The following GABRA3 variants were observed in gnomAD, a reference collection of about 807,000 sequenced individuals.
The protein encoded by GABRA3 is gamma-aminobutyric acid type A receptor subunit alpha3.
GABRA3 carries 10 observed loss-of-function variants against 30.1 expected under a neutral mutation model. The observed-to-expected ratio is 0.33, with a 90% CI of 0.20 to 0.56. GABRA3 has a LOEUF of 0.56. Among genes scored for constraint, GABRA3 ranks in the 20% least tolerant of loss-of-function variants. The pLI is 0.89. For synonymous variants in GABRA3, 151 were observed against 146.8 expected (o/e 1.03, Z -0.21); for missense variants, 233 against 392.0 (o/e 0.59, Z 3.42).
At chrX:152,285,778 G>A (rs1265434247) in intron 3 of GABRA3, among the ~76,000 whole-genome samples, 1 of 109,795 alleles carries the variant, frequency 9.1e-6, no homozygotes, top group Non-Finnish European at 1.9e-5. Flanking sequence ...CATGATGGAA[G>A]GGGCTAGGGA....
chrX:152,304,052 G>T (rs1171803653), intron 3 of GABRA3, among the ~76,000 whole-genome samples: 1 of 112,053 alleles, frequency 8.9e-6, no homozygotes, highest in Non-Finnish European at 1.9e-5. Context: ...TTTCTCTGAT[G>T]ATTAGCAATA....
At position 152,378,969 on chromosome X, in the gene GABRA3, A is replaced by T. The variant is rs143562210; in HGVS notation, c.-26-14373T>A. 4.1e-3 allele frequency among the ~76,000 whole-genome samples: 460 copies of T among 111,942 alleles called. 1 individual carries two copies. The highest frequency in any genetic ancestry group is 0.014 in the African/African-American group (421 of 30,956). On this transcript the variant is annotated intron_variant, in intron 1 of 9. Coordinates refer to ENST00000370314, the MANE Select transcript of GABRA3 (RefSeq NM_000808.4). ...CTATACACCTAATAATGAAGATTCA[A>T]AATATATAAATCAAAATTAACAAAA...
At chrX:152,207,967 C>T (rs73619391) in intron 7 of GABRA3, 34 bp downstream of exon 7, 1 of 1,178,844 alleles carries the variant, frequency 8.5e-7, no homozygotes, top group Non-Finnish European at 1.2e-6. Flanking sequence ...GTATAGGTTA[C>T]AGAAATGTTT....
intron 5 of GABRA3, among the ~76,000 whole-genome samples, chrX:152,254,406 T>C (rs1938604768): frequency 9.2e-6 from 1 of 108,761 alleles, no homozygotes; most frequent in African/African-American, 3.3e-5. Flanking sequence ...TTGTCCTCTC[T>C]TCTCATACTC....
intron 9 of GABRA3, among the ~76,000 whole-genome samples, chrX:152,188,090 G>A (rs370472917): frequency 4.1e-4 from 46 of 111,133 alleles, no homozygotes; most frequent in South Asian, 3.8e-3. Flanking sequence ...TGGGAAGGTG[G>A]GGGGAAGAAG....
At chrX:152,442,217 A>G (rs767118975) in intron 1 of GABRA3, among the ~76,000 whole-genome samples, 97 of 111,125 alleles carry the variant, frequency 8.7e-4, no homozygotes, top group African/African-American at 3.0e-3. Context: ...GGGGCTAGAC[A>G]CAAAGAAAGT....
At chrX:152,170,500 G>C (rs899683310) in intron 9 of GABRA3, among the ~76,000 whole-genome samples, 2 of 111,515 alleles carry the variant, frequency 1.8e-5, no homozygotes, top group Non-Finnish European at 3.8e-5. Context: ...TTTTAATTTA[G>C]AGATGATGTC....
At chrX:152,431,350 C>CT (rs780920175) in intron 1 of GABRA3, among the ~76,000 whole-genome samples, 3 of 112,163 alleles carry the variant, frequency 2.7e-5, no homozygotes, top group Non-Finnish European at 5.6e-5. Flanking sequence ...AATAAAATAT[C>CT]TTTTATGTCT....
chrX:152,279,316 G>A (rs1298584585), intron 4 of GABRA3, among the ~76,000 whole-genome samples: 92 of 111,913 alleles, frequency 8.2e-4, no homozygotes, highest in Non-Finnish European at 1.0e-3. Context: ...TCCAGTTTCA[G>A]CTTTCTCCAT....
chrX:152,341,600 C>T (rs1440144721), intron 3 of GABRA3, among the ~76,000 whole-genome samples: 3 of 97,641 alleles, frequency 3.1e-5, no homozygotes, highest in Non-Finnish European at 4.0e-5. Context: ...AGTGCAGTGG[C>T]GTGATCTTGG....
chrX:152,248,400 A>C (rs1471327123), intron 5 of GABRA3, among the ~76,000 whole-genome samples: 1 of 111,480 alleles, frequency 9.0e-6, no homozygotes, highest in Non-Finnish European at 1.9e-5. Flanking sequence ...GTGCTCTTTC[A>C]TCTTCTACTG....
At chrX:152,381,690 C>A (rs1449415746) in intron 1 of GABRA3, among the ~76,000 whole-genome samples, 1 of 109,718 alleles carries the variant, frequency 9.1e-6, no homozygotes, top group Non-Finnish European at 1.9e-5. Flanking sequence ...TAACACTATC[C>A]CTCCCCTAAC....
intron 9 of GABRA3, among the ~76,000 whole-genome samples, chrX:152,184,229 G>A (rs185486991): frequency 1.8e-4 from 20 of 111,330 alleles, no homozygotes; most frequent in Admixed American, 1.7e-3. Context: ...CCCTCAAGGT[G>A]AGGTGTTCCT....
intron 1 of GABRA3, among the ~76,000 whole-genome samples, chrX:152,408,668 T>C (rs927687234): frequency 2.8e-5 from 3 of 107,954 alleles, no homozygotes; most frequent in African/African-American, 1.0e-4. Flanking sequence ...GTAGTCCCTA[T>C]CAAAATGCCA....
At chrX:152,294,605 C>T (rs1264222085) in intron 3 of GABRA3, among the ~76,000 whole-genome samples, 1 of 111,035 alleles carries the variant, frequency 9.0e-6, no homozygotes, top group African/African-American at 3.3e-5. Flanking sequence ...TTTGTTATTA[C>T]CACCCTTCTG....
intron 3 of GABRA3, among the ~76,000 whole-genome samples, chrX:152,317,729 C>T (rs1174822854): frequency 9.0e-6 from 1 of 111,727 alleles, no homozygotes; most frequent in African/African-American, 3.2e-5. Context: ...ATTGGGTCAA[C>T]AATGAAATCA....
chrX:152,183,012 C>T (rs75402139), intron 9 of GABRA3, among the ~76,000 whole-genome samples: 14,889 of 105,706 alleles, frequency 0.14, 1,058 homozygotes, highest in Non-Finnish European at 0.22. Context: ...GGGATATTGG[C>T]CTGCAATTTT....
chrX:152,316,587 G>C (rs1279330283), intron 3 of GABRA3, among the ~76,000 whole-genome samples: 1 of 111,685 alleles, frequency 9.0e-6, no homozygotes, highest in Non-Finnish European at 1.9e-5. Flanking sequence ...ACAAAGGAGA[G>C]AATCTTAAGA....
At chrX:152,269,376 T>G (rs2124424811) in intron 4 of GABRA3, among the ~76,000 whole-genome samples, 1 of 112,296 alleles carries the variant, frequency 8.9e-6, no homozygotes, top group African/African-American at 3.2e-5. Context: ...ACTCATTGAT[T>G]GACAGAATTG....
Sources: allele counts gnomAD v4.1 joint callset (sites outside exome capture counted in the v4.1 genomes callset), GRCh38; gene constraint gnomAD v4.1.1; transcripts MANE v1.5; gene names NCBI Gene and HGNC (gene_info 2026-07-23, HGNC 2026-07-21).